HAND1: variants seen among roughly 807,000 people sequenced by gnomAD.
The protein encoded by HAND1 is heart- and neural crest derivatives-expressed protein 1.
HAND1 carries 10 observed loss-of-function variants against 14.5 expected under a neutral mutation model. The observed-to-expected ratio is 0.69, with a 90% CI of 0.42 to 1.17. The LOEUF (loss-of-function observed/expected upper bound fraction) is 1.17. Among genes scored for constraint, HAND1 ranks in the 50% most tolerant of loss-of-function variants. HAND1 has a pLI of 0.00. For missense variants in HAND1, 299 were observed against 298.4 expected (o/e 1.00, Z -0.01); for synonymous variants, 128 against 127.1 (o/e 1.01, Z -0.05).
rs1757580975 is a variant in HAND1 at position 154,478,190 on chromosome 5, C to A, written c.-182G>T. On this transcript the variant is annotated 5_prime_UTR_variant, in exon 1 of 2. Transcript: ENST00000231121. The surrounding 1 kb of genome is among the most constrained non-coding windows in gnomAD (Gnocchi z 4.5). ...TCTTCTTACCGGTTTCTGCCGCGGG[C>A]GAGGTCGCCGAAGCCCAAAGACCTG... 1 of 674,594 alleles carries A rather than the reference C, an allele frequency of 1.5e-6. No individual in the cohort carries two copies. Among genetic ancestry groups the A allele is most frequent in the Non-Finnish European group, 2.5e-6 (1 of 397,460 alleles). 41.8% of individuals were successfully genotyped at this position (674,594 alleles called of 1,614,324 possible).
chr5:154,477,173 T>C (rs941652495), intron 1 of HAND1, among the ~76,000 whole-genome samples: 1 of 152,228 alleles, frequency 6.6e-6, no homozygotes, highest in Non-Finnish European at 1.5e-5. Flanking sequence ...GAATCAGGAC[T>C]TCTCCAAATT....
In HAND1 at chr5:154,477,319, G is replaced by T. The variant is rs532091560; in HGVS notation, c.543+147C>A. 19 of 707,744 alleles carry T rather than the reference G, an allele frequency of 2.7e-5. No homozygotes were observed. The East Asian group carries it at 4.8e-4, about 18-fold the overall frequency. 43.8% of individuals were successfully genotyped at this position (707,744 alleles called of 1,614,324 possible). ...TCTGCCTCCCTCCATGCACAGGATC[G>T]CACGCTGTGACCAACCATCTCAGAA... is the stretch of plus-strand genomic sequence containing the variant. On this transcript the variant is annotated intron_variant, in intron 1 of 1. Coordinates refer to ENST00000231121, the MANE Select transcript of HAND1 (RefSeq NM_004821.3).
chr5:154,477,074 A>G (rs371880331), intron 1 of HAND1, among the ~76,000 whole-genome samples: 6 of 152,208 alleles, frequency 3.9e-5, no homozygotes, highest in East Asian at 3.9e-4. Context: ...CTTTGAAAAC[A>G]GGAACCGAGC....
intron 1 of HAND1, among the ~76,000 whole-genome samples, chr5:154,476,751 C>T (rs1484603604): frequency 6.6e-6 from 1 of 152,172 alleles, no homozygotes; most frequent in Non-Finnish European, 1.5e-5. Flanking sequence ...CCCCCAGCCC[C>T]GGACAGCCAG....
chr5:154,475,946 A>G (rs769873809), intron 1 of HAND1, 36 bp from the exon 2 acceptor site: 1 of 1,551,570 alleles, frequency 6.4e-7, no homozygotes, highest in Non-Finnish European at 8.9e-7. Context: ...GAGGCGGGAG[A>G]GACAGGTTTT....
Sources: allele counts gnomAD v4.1 joint callset (sites outside exome capture counted in the v4.1 genomes callset), GRCh38; gene constraint gnomAD v4.1.1; non-coding constraint Gnocchi (gnomAD v3.1); transcripts MANE v1.5; gene names NCBI Gene and HGNC (gene_info 2026-07-23, HGNC 2026-07-21).